Variants in KIFAP3 observed in about 807,000 individuals in gnomAD.
KIFAP3 encodes the protein kinesin associated protein 3, also known as kinesin-associated protein 3.
Under a neutral mutation model 106.5 loss-of-function variants are expected in KIFAP3, and 68 were observed. The ratio of observed to expected loss-of-function variants is 0.64; its 90% confidence interval spans 0.53 to 0.78. KIFAP3 has a LOEUF of 0.78. Among genes scored for constraint, KIFAP3 ranks in the 30% least tolerant of loss-of-function variants. The probability of loss-of-function intolerance (pLI) is 0.00; values close to 1 mark genes in which losing one functional copy is unlikely to be tolerated. For synonymous variants in KIFAP3, 320 were observed against 311.5 expected (o/e 1.03, Z -0.29); for missense variants, 780 against 941.8 (o/e 0.83, Z 2.25).
chr1:170,063,927 T>A (rs1407004384), intron 1 of KIFAP3, among the ~76,000 whole-genome samples: 1 of 152,236 alleles, frequency 6.6e-6, no homozygotes, highest in East Asian at 1.9e-4. Flanking sequence ...TTTAATTTTC[T>A]TTTAATGAAA....
chr1:169,928,103 C>CTTTTTTTTTTTTTTTTTTTGTTG (rs59128071), intron 19 of KIFAP3, among the ~76,000 whole-genome samples: 1 of 148,774 alleles, frequency 6.7e-6, no homozygotes, highest in African/African-American at 2.5e-5. Context: ...TATCTTTTCT[C>CTTTTTTTTTTTTTTTTTTTGTTG]TTTTTTTTTT....
At chr1:169,948,651 A>G (rs886112263) in intron 19 of KIFAP3, among the ~76,000 whole-genome samples, 9 of 152,044 alleles carry the variant, frequency 5.9e-5, no homozygotes, top group Admixed American at 5.2e-4. Context: ...TTGAACTTAA[A>G]TTATTAGAAC....
chr1:170,065,408 T>C (rs912425921), intron 1 of KIFAP3, among the ~76,000 whole-genome samples: 2 of 151,906 alleles, frequency 1.3e-5, no homozygotes, highest in Non-Finnish European at 2.9e-5. Context: ...GGTCAGGAGA[T>C]CGAGACCATC....
chr1:170,002,283 T>C (rs1167837196), intron 10 of KIFAP3, among the ~76,000 whole-genome samples: 3 of 152,192 alleles, frequency 2.0e-5, no homozygotes, highest in Admixed American at 6.5e-5. Flanking sequence ...GGTGCCATTC[T>C]TACTCTCAAA....
chr1:170,081,029 C>A (rs1288314504), intron 1 of KIFAP3, among the ~76,000 whole-genome samples: 1 of 152,068 alleles, frequency 6.6e-6, no homozygotes, highest in African/African-American at 2.4e-5. Flanking sequence ...AATCATAAAA[C>A]AATTTAGAAA....
rs552362130 is a variant in KIFAP3, at chr1:170,024,319, T to C, written c.1020+99A>G. On this transcript the variant is annotated intron_variant, in intron 9 of 19. Coordinates refer to ENST00000361580, the MANE Select transcript of KIFAP3 (RefSeq NM_014970.4). ...GCTATTATAAAATCTTTATTCAGAA[T>C]TATCTCGGTAGGGGAATAAAGTGTT... 3 of 675,974 alleles carry C rather than the reference T, an allele frequency of 4.4e-6. No homozygotes were observed. In the East Asian group the frequency reaches 8.6e-5, roughly 19 times the overall value. The allele number at this position is 675,974 out of a possible 1,614,324, so 41.9% of individuals were successfully genotyped here. A position where few individuals can be genotyped will look rare whatever the true frequency, so the allele number is the denominator to read the frequency against.
At chr1:169,983,835 T>C (rs905879460) in intron 12 of KIFAP3, among the ~76,000 whole-genome samples, 1 of 151,906 alleles carries the variant, frequency 6.6e-6, no homozygotes, top group Admixed American at 6.6e-5. Flanking sequence ...AGAGAATGGG[T>C]AATTACTATA....
At chr1:169,990,304 T>A (rs1224830107) in intron 11 of KIFAP3, 1 of 373,838 alleles carries the variant, frequency 2.7e-6, no homozygotes, top group African/African-American at 2.2e-5. Flanking sequence ...CCCATGTCTG[T>A]TGGTTGTACA....
intron 1 of KIFAP3, among the ~76,000 whole-genome samples, chr1:170,060,330 A>C (rs193042693): frequency 1.3e-5 from 2 of 152,366 alleles, no homozygotes; most frequent in East Asian, 3.9e-4. Context: ...ACACAAAATC[A>C]ATGTGCAAAA....
At chr1:170,043,107 C>G (rs774660213) in intron 3 of KIFAP3, among the ~76,000 whole-genome samples, 1 of 152,172 alleles carries the variant, frequency 6.6e-6, no homozygotes, top group Non-Finnish European at 1.5e-5. Flanking sequence ...TGGATGACCA[C>G]ATGGTCACCC....
At chr1:170,041,413 A>G (rs906027994) in intron 3 of KIFAP3, among the ~76,000 whole-genome samples, 1 of 152,210 alleles carries the variant, frequency 6.6e-6, no homozygotes, top group African/African-American at 2.4e-5. Flanking sequence ...AGGCCAAGGC[A>G]GGAGGATCGC....
chr1:169,940,124 G>GA (rs1281657989), intron 19 of KIFAP3, among the ~76,000 whole-genome samples: 1 of 152,142 alleles, frequency 6.6e-6, no homozygotes, highest in Non-Finnish European at 1.5e-5. Flanking sequence ...ATTGGATTTT[G>GA]AAAAAACTTC....
intron 5 of KIFAP3, among the ~76,000 whole-genome samples, chr1:170,036,996 C>A (rs961082628): frequency 1.9e-4 from 29 of 152,102 alleles, no homozygotes; most frequent in African/African-American, 6.3e-4. Flanking sequence ...GACAAATGTG[C>A]AAGACCAGTA....
chr1:169,992,427 T>C (rs541418073), intron 10 of KIFAP3, among the ~76,000 whole-genome samples, 172 bp from the exon 11 acceptor site: 7 of 152,272 alleles, frequency 4.6e-5, no homozygotes, highest in African/African-American at 1.2e-4. Flanking sequence ...AGCATATTCA[T>C]GTTATATGTG....
chr1:170,039,734 T>G (rs924593450), intron 3 of KIFAP3, among the ~76,000 whole-genome samples: 1 of 152,074 alleles, frequency 6.6e-6, no homozygotes, highest in Admixed American at 6.6e-5. Context: ...ATTGGTAAAT[T>G]TAAAACCTAA....
chr1:170,085,153 A>G (rs1442037263), exon 1 of KIFAP3: 1 of 152,162 alleles, frequency 6.6e-6, no homozygotes, highest in Non-Finnish European at 1.5e-5. Flanking sequence ...CATGTAGCAC[A>G]TCTTAATACA....
chr1:169,980,885 T>C (rs1666481131), intron 15 of KIFAP3, among the ~76,000 whole-genome samples: 1 of 152,128 alleles, frequency 6.6e-6, no homozygotes, highest in African/African-American at 2.4e-5. Flanking sequence ...GCGGATCACC[T>C]GAGGTCGGGA....
At chr1:170,068,826 C>T (rs779306058) in intron 1 of KIFAP3, 2 of 151,726 alleles carry the variant, frequency 1.3e-5, no homozygotes, top group Non-Finnish European at 2.9e-5. Flanking sequence ...CCTAATTTTA[C>T]ACCTTAAGGG....
At chr1:169,992,040 T>C (rs1571619402) in intron 11 of KIFAP3, 115 bp downstream of exon 11, 1 of 429,598 alleles carries the variant, frequency 2.3e-6, no homozygotes, top group East Asian at 3.8e-5. Context: ...AATAAATTTG[T>C]AGTATTATTA....
Sources: gnomAD v4.1 joint callset for allele counts (sites outside exome capture counted in the v4.1 genomes callset) on GRCh38, gnomAD v4.1.1 for gene constraint, MANE v1.5 for transcripts, NCBI Gene and HGNC (gene_info 2026-07-23, HGNC 2026-07-21) for gene names.